Variants in MYO19 observed in about 807,000 individuals in gnomAD.
The protein encoded by MYO19 is unconventional myosin-XIX.
MYO19 carries 132 observed loss-of-function variants against 129.2 expected under a neutral mutation model. That is an observed-to-expected ratio of 1.02 (90% confidence interval 0.89 to 1.18). The LOEUF (loss-of-function observed/expected upper bound fraction) is 1.18. Among genes scored for constraint, MYO19 ranks in the 50% most tolerant of loss-of-function variants. The pLI, the probability that MYO19 is intolerant of heterozygous loss-of-function variation, is 0.00. For synonymous variants in MYO19, 531 were observed against 477.2 expected (o/e 1.11, Z -1.47); for missense variants, 1,210 against 1,216.7 (o/e 0.99, Z 0.08).
intron 6 of MYO19, among the ~76,000 whole-genome samples, chr17:36,522,403 G>T (rs2073189194): frequency 6.6e-6 from 1 of 151,634 alleles, no homozygotes; most frequent in Non-Finnish European, 1.5e-5. Flanking sequence ...AGCTACTCGG[G>T]AGGAGGCTGA....
chr17:36,519,443 T>A (rs1010631531), intron 6 of MYO19, among the ~76,000 whole-genome samples: 18 of 152,154 alleles, frequency 1.2e-4, no homozygotes, highest in African/African-American at 4.1e-4. Context: ...TATCCACGAG[T>A]AGACCACTTA....
intron 13 of MYO19, 95 bp from the exon 14 acceptor site, chr17:36,509,230 G>T: frequency 9.2e-7 from 1 of 1,085,948 alleles, no homozygotes; most frequent in East Asian, 2.5e-5. Context: ...ACACCCTGGG[G>T]GGCCCTTGTA....
chr17:36,507,004 G>A lies in MYO19; in HGVS notation c.1603C>T (p.Pro535Ser). The change falls in exon 17 of 26, where the codon CCT (proline) becomes TCT (serine). Residue 535 changes from proline to serine, a missense_variant. By Grantham distance (74) the Pro-to-Ser change is moderately conservative (BLOSUM62 -1). Coordinates refer to ENST00000614623, the MANE Select transcript of MYO19 (RefSeq NM_001163735.2). ...PSFIVVHYAG[P>S]VRYHTAGLVE... Reference sequence around the variant, plus strand: ...AGGCCTGCTGTGTGGTACCGCACAGGCCCCGCATAATGCACCACAATGAAG... The same window carrying A: ...AGGCCTGCTGTGTGGTACCGCACAGACCCCGCATAATGCACCACAATGAAG... 2 of 1,612,604 alleles carry A rather than the reference G, an allele frequency of 1.2e-6. No individual in the cohort carries two copies. Among genetic ancestry groups the A allele is most frequent in the Non-Finnish European group, 1.7e-6 (2 of 1,178,956 alleles).
chr17:36,520,293 A>C (rs1027671289), intron 6 of MYO19, among the ~76,000 whole-genome samples: 1 of 152,142 alleles, frequency 6.6e-6, no homozygotes, highest in African/African-American at 2.4e-5. Flanking sequence ...TTTTTTTCTT[A>C]TATTTAGTTT....
In MYO19 at chr17:36,495,684, G is replaced by C. The variant is rs1483128936; in HGVS notation, c.*567C>G. Reference sequence around the variant, plus strand: ...GGTACAGTTGATAGACATCATAAACGATATCAAGCTTACACTTCATATGGA... The same window carrying C: ...GGTACAGTTGATAGACATCATAAACCATATCAAGCTTACACTTCATATGGA... On this transcript the variant is annotated 3_prime_UTR_variant, in exon 26 of 26. Transcript: ENST00000614623. 2.4e-6 allele frequency: 3 copies of C among 1,264,832 alleles called. No individual in the cohort carries two copies. The highest frequency in any genetic ancestry group is 3.0e-6 in the Non-Finnish European group (3 of 1,007,526). 78.4% of individuals were successfully genotyped at this position (1,264,832 alleles called of 1,614,324 possible).
intron 6 of MYO19, among the ~76,000 whole-genome samples, chr17:36,518,130 TTTTAA>T (rs1459727502): frequency 2.0e-5 from 3 of 151,160 alleles, no homozygotes; most frequent in East Asian, 2.0e-4. Flanking sequence ...TGTGCTTTCA[TTTTAA>T]TTTATTAGTT....
chr17:36,501,546 T>C, intron 21 of MYO19: 1 of 258,074 alleles, frequency 3.9e-6, no homozygotes, highest in Non-Finnish European at 7.3e-6. Flanking sequence ...CCTGGAAGGG[T>C]GACTCCTTCC....
intron 3 of MYO19, among the ~76,000 whole-genome samples, chr17:36,531,043 T>C (rs1168325354): frequency 1.3e-5 from 2 of 152,046 alleles, no homozygotes; most frequent in Non-Finnish European, 2.9e-5. Flanking sequence ...GAGACCAGCC[T>C]TGTCTACAGA....
chr17:36,509,019 G>A lies in MYO19; in HGVS notation c.1231+43C>T, dbSNP rs2072124386. On this transcript the variant is annotated intron_variant, in intron 14 of 25. Coordinates refer to ENST00000614623, the MANE Select transcript of MYO19 (RefSeq NM_001163735.2). ...CTGCCTCTCCATCCAGGGCTTTATT[G>A]CTCTTTTTCTGGAGTGCTCCCAGCA... 2.6e-6 allele frequency: 4 copies of A among 1,568,404 alleles called. No individual in the cohort carries two copies. In the Admixed American group the frequency reaches 5.1e-5, roughly 20 times the overall value.
rs771303929 is a variant in MYO19, at chr17:36,505,324, G to A, written c.1878C>T (p.Gly626=). 29 of 1,614,094 alleles carry A rather than the reference G, an allele frequency of 1.8e-5. No homozygotes were observed. Among genetic ancestry groups the A allele is most frequent in the Non-Finnish European group, 2.4e-5 (28 of 1,180,034 alleles). ...CCTCTTGGAGAAAGGTCTGCGCCTG[G>A]CCCTGGCTGTTGGGCTTGATGCAGC... ...YIRCIKPNSQ[G]QAQTFLQEEV... is the part of the protein sequence containing the mutation. Residue 626 remains glycine (G), a synonymous_variant, in exon 19 of 26, where the codon GGC becomes GGT. Coordinates refer to ENST00000614623, the MANE Select transcript of MYO19 (RefSeq NM_001163735.2).
chr17:36,537,186 C>T (rs2074152262), upstream of MYO19: 2 of 1,614,054 alleles, frequency 1.2e-6, no homozygotes, highest in Non-Finnish European at 1.7e-6. Context: ...ATTGTGCTTT[C>T]CTGCATTCTG....
chr17:36,506,427 A>G (rs2071889624), intron 18 of MYO19, 29 bp downstream of exon 18: 2 of 1,613,674 alleles, frequency 1.2e-6, no homozygotes, highest in Non-Finnish European at 1.7e-6. Flanking sequence ...GTTTGAACCA[A>G]GCACCTCCCA....
At chr17:36,538,243 G>C, upstream of MYO19, 1 of 1,613,068 alleles carries the variant, frequency 6.2e-7, no homozygotes, top group South Asian at 1.1e-5. Flanking sequence ...GTTGCTTCTA[G>C]CCTGATCCTT....
At chr17:36,501,679 G>A (rs752557911) in intron 21 of MYO19, 47 of 158,258 alleles carry the variant, frequency 3.0e-4, no homozygotes, top group Non-Finnish European at 5.7e-4. Flanking sequence ...TCCCCACCAT[G>A]TATGGGAAAA....
At chr17:36,513,527 G>A in intron 10 of MYO19, 22 bp from the exon 11 acceptor site, 1 of 1,613,868 alleles carries the variant, frequency 6.2e-7, no homozygotes, top group Non-Finnish European at 8.5e-7. Flanking sequence ...TCCAAGTTCG[G>A]GGCAGAGGTC....
At chr17:36,535,132 C>T (rs979168220), upstream of MYO19, 1 of 150,532 alleles carries the variant, frequency 6.6e-6, no homozygotes, top group Admixed American at 6.6e-5. Context: ...AGCGCGGAAG[C>T]ACGGTTTCCT....
At chr17:36,515,227 A>G in intron 7 of MYO19, 45 bp from the exon 8 acceptor site, 1 of 1,564,676 alleles carries the variant, frequency 6.4e-7, no homozygotes, top group Non-Finnish European at 8.7e-7. Flanking sequence ...GGGTTTGCAG[A>G]GTCCTCATAA....
Position 36,496,098 on chromosome 17 carries a change from G to T in MYO19, c.*153C>A. On this transcript the variant is annotated 3_prime_UTR_variant, in exon 26 of 26. Transcript: ENST00000614623. The stretch of plus-strand genomic sequence containing the variant: ...GAACCCCAGGCCCACTGACGCACTG[G>T]GCACGGGGCTCTGGGTCGAAGGCTG... 1 of 1,070,488 alleles carries T rather than the reference G, an allele frequency of 9.3e-7. No individual in the cohort carries two copies. The highest frequency in any genetic ancestry group is 1.4e-6 in the Non-Finnish European group (1 of 740,324). The allele number at this position is 1,070,488 out of a possible 1,614,324, so 66.3% of individuals were successfully genotyped here. A position where few individuals can be genotyped will look rare whatever the true frequency, so the allele number is the denominator to read the frequency against.
intron 21 of MYO19, among the ~76,000 whole-genome samples, chr17:36,502,226 CTT>C (rs2071583549): frequency 6.6e-6 from 1 of 152,142 alleles, no homozygotes; most frequent in Non-Finnish European, 1.5e-5. Flanking sequence ...CACAGCCTCT[CTT>C]TTATCTGCAT....
Sources: allele counts gnomAD v4.1 joint callset (sites outside exome capture counted in the v4.1 genomes callset), GRCh38; gene constraint gnomAD v4.1.1; transcripts MANE v1.5; gene names NCBI Gene and HGNC (gene_info 2026-07-23, HGNC 2026-07-21).